Variants in TTN observed in about 807,000 individuals in gnomAD.
TTN encodes titin.
A neutral mutation model predicts 3,223.0 loss-of-function variants in TTN; 1,525 were observed. The observed-to-expected ratio is 0.47, with a 90% CI of 0.45 to 0.49. The LOEUF (loss-of-function observed/expected upper bound fraction) is 0.49, where lower values mean the gene tolerates loss of function less well. TTN is among the 20% of genes least tolerant of loss of function. The pLI is 0.00. For missense variants in TTN, 40,786 were observed against 43,424.0 expected (o/e 0.94, Z 5.40); for synonymous variants, 14,094 against 15,161.0 (o/e 0.93, Z 5.17).
chr2:178,782,208 A>C lies in TTN; in HGVS notation c.3380+4T>G. The C allele has an allele frequency of 6.2e-7, 1 of 1,614,104 alleles. No individual in the cohort carries two copies. Among genetic ancestry groups the C allele is most frequent in the Non-Finnish European group, 8.5e-7 (1 of 1,179,970 alleles). On this transcript the variant is annotated splice_donor_region_variant and intron_variant, in intron 20 of 362. Coordinates refer to ENST00000589042, the MANE Select transcript of TTN (RefSeq NM_001267550.2). ...GAGAACTCTATATTCAGCCATCAAA[A>C]TACCTGTATCCAGTGGTTAGAGGAA...
chr2:178,758,706 T>C (rs745614551), intron 44 of TTN: 1 of 466,656 alleles, frequency 2.1e-6, no homozygotes, highest in Non-Finnish European at 3.9e-6. Context: ...TTCTGATTCA[T>C]GCTGATTAGG....
chr2:178,581,561 T>C lies in TTN; in HGVS notation c.66707A>G (p.Asn22236Ser), dbSNP rs771424887. 1 of 1,612,354 alleles carries C rather than the reference T, an allele frequency of 6.2e-7. No individual in the cohort carries two copies. Among genetic ancestry groups the C allele is most frequent in the Non-Finnish European group, 8.5e-7 (1 of 1,179,024 alleles). Residue 22236 changes from asparagine to serine, a missense_variant, in exon 316 of 363, where the codon AAT becomes AGT. Coordinates refer to ENST00000589042, the MANE Select transcript of TTN (RefSeq NM_001267550.2). ...TQYQFRVYAV[N>S]KIGYSDPSDV... ...ACTGGGGTCACTGTATCCAATCTTA[T>C]TAACGGCATACACACGGAATTGATA...
chr2:178,586,778 C>G lies in TTN; in HGVS notation c.64123G>C (p.Val21375Leu), dbSNP rs371670651. The G allele has an allele frequency of 6.2e-7, 1 of 1,612,792 alleles. No individual in the cohort carries two copies. Among genetic ancestry groups the G allele is most frequent in the Non-Finnish European group, 8.5e-7 (1 of 1,179,226 alleles). ...GCACTGTTCTTGGTCATTTCAGTCA[C>G]TTCTAATTTCCTTGGGGGATCCGGC... ...SEPDPPRKLE[V>L]TEMTKNSATL... Residue 21375 changes from valine to leucine, a missense_variant, in exon 308 of 363, where the codon GTG becomes CTG. Transcript: ENST00000589042.
chr2:178,731,207 T>C lies in TTN; in HGVS notation c.17462-4A>G. 1 of 1,612,518 alleles carries C rather than the reference T, an allele frequency of 6.2e-7. No individual in the cohort carries two copies. The highest frequency in any genetic ancestry group is 8.5e-7 in the Non-Finnish European group (1 of 1,178,962). On this transcript the variant is annotated splice_polypyrimidine_tract_variant and splice_region_variant and intron_variant, in intron 59 of 362. Transcript: ENST00000589042. ...TCCTCGGTGATTGTTGCAGGTTCTGTAGAAAACAAAGGGATAGATGTGGGT... is the reference window on the plus strand; with the variant it reads ...TCCTCGGTGATTGTTGCAGGTTCTGCAGAAAACAAAGGGATAGATGTGGGT...
Position 178,534,541 on chromosome 2 carries a change from T to C in TTN, c.102074A>G (p.Glu34025Gly). 1 of 1,613,890 alleles carries C rather than the reference T, an allele frequency of 6.2e-7. No homozygotes were observed. Among genetic ancestry groups the C allele is most frequent in the Non-Finnish European group, 8.5e-7 (1 of 1,179,794 alleles). The stretch of plus-strand genomic sequence containing the variant: ...AGTATATTCAGCATTCATGATATTC[T>C]CAATGATCTGTTGGTTAGTTTCAGC... ...FLAETNQQIIENIMNAEYTFD... is the reference protein window; with the variant it reads ...FLAETNQQIIGNIMNAEYTFD... Residue 34025 changes from glutamate to glycine, a missense_variant, in exon 358 of 363, where the codon GAG (glutamate) becomes GGG (glycine). Coordinates refer to ENST00000589042, the MANE Select transcript of TTN (RefSeq NM_001267550.2).
rs1446942544 is a variant in TTN, at chr2:178,608,348, T to A, written c.52535A>T (p.Asn17512Ile). ...LGYWLEKREV[N>I]STHWSRVNKS... Reference sequence around the variant, plus strand: ...GTTGACACGAGACCAATGTGTACTGTTAACTTCACGTTTTTCAAGCCAGTA... The same window carrying A: ...GTTGACACGAGACCAATGTGTACTGATAACTTCACGTTTTTCAAGCCAGTA... The change falls in exon 275 of 363, where the codon AAC becomes ATC. Residue 17512 changes from asparagine to isoleucine, a missense_variant. Coordinates refer to ENST00000589042, the MANE Select transcript of TTN (RefSeq NM_001267550.2). 6.2e-7 allele frequency: 1 copy of A among 1,612,316 alleles called. No homozygotes were observed. Among genetic ancestry groups the A allele is most frequent in the South Asian group, 1.1e-5 (1 of 90,968 alleles).
chr2:178,769,878 A>G lies in TTN; in HGVS notation c.8703T>C (p.Phe2901=). The G allele has an allele frequency of 6.2e-7, 1 of 1,614,144 alleles. No individual in the cohort carries two copies. The highest frequency in any genetic ancestry group is 2.2e-5 in the East Asian group (1 of 44,866). The change falls in exon 37 of 363, where the codon TTT becomes TTC. Residue 2901 remains phenylalanine, a synonymous_variant. Coordinates refer to ENST00000589042, the MANE Select transcript of TTN (RefSeq NM_001267550.2). ...IEVPETKTAS[F]ECEVSHFNVP... is the part of the protein sequence containing the mutation. ...CATTGAAGTGGGACACCTCACACTC[A>G]AAAGAGGCAGTTTTGGTCTCAGGCA...
At chr2:178,746,109 C>T (rs141483365) in intron 47 of TTN, 26 of 1,613,374 alleles carry the variant, frequency 1.6e-5, no homozygotes, top group East Asian at 4.5e-5. Context: ...CCCTTCTCCT[C>T]GCTAATCACG....
chr2:178,602,312 T>C lies in TTN; in HGVS notation c.55090A>G (p.Thr18364Ala), dbSNP rs1467489292. 6.2e-7 allele frequency: 1 copy of C among 1,612,790 alleles called. No individual in the cohort carries two copies. The highest frequency in any genetic ancestry group is 1.3e-5 in the African/African-American group (1 of 74,852). The change falls in exon 283 of 363, where the codon ACT becomes GCT. Residue 18364 changes from threonine (T) to alanine (A), a missense_variant. Physicochemically the swap from Thr to Ala is moderately conservative, Grantham distance 58. Coordinates refer to ENST00000589042, the MANE Select transcript of TTN (RefSeq NM_001267550.2). The part of the protein sequence containing the change: ...EAGESEPSDT[T>A]GEIPATDIQE... ...ATATCAGTGGCAGGGATCTCCCCAG[T>C]TGTATCACTTGGTTCAGATTCACCA...
At chr2:178,748,222 T>C in intron 47 of TTN, 2 of 1,613,062 alleles carry the variant, frequency 1.2e-6, no homozygotes, top group South Asian at 2.2e-5. Context: ...TATAGATTTC[T>C]TCAGAAAAGG....
rs1709583820 is a variant in TTN, at chr2:178,575,122, T to C, written c.71010A>G (p.Gly23670=). Residue 23670 remains glycine (G), a synonymous_variant, in exon 326 of 363, where the codon GGA becomes GGG. Coordinates refer to ENST00000589042, the MANE Select transcript of TTN (RefSeq NM_001267550.2). The surrounding 1 kb of genome is among the most constrained non-coding windows in gnomAD (Gnocchi z 4.0). The part of the protein sequence containing the change: ...RPKPTVTWKK[G]DQILKQTQRV... ...TCTGTGTCTGTTTAAGAATTTGGTC[T>C]CCTTTTTTCCATGTCACTGTGGGCT... 1 of 1,613,014 alleles carries C rather than the reference T, an allele frequency of 6.2e-7. No individual in the cohort carries two copies.
chr2:178,619,877 A>T lies in TTN; in HGVS notation c.46440T>A (p.Val15480=), dbSNP rs1427739369. ...RARLFVEEIP[V]EIIRPPQDIL... ...TATCTTGTGGAGGCCTGATGATCTC[A>T]ACAGGAATTTCTGGAAAGAAAATGT... The change falls in exon 250 of 363, where the codon GTT becomes GTA. Residue 15480 remains valine (V), a synonymous_variant. Transcript: ENST00000589042. The T allele has an allele frequency of 6.2e-7, 1 of 1,607,018 alleles. No homozygotes were observed. Among genetic ancestry groups the T allele is most frequent in the Non-Finnish European group, 8.5e-7 (1 of 1,177,862 alleles).
chr2:178,652,414 C>T, intron 202 of TTN, 44 bp downstream of exon 202: 9 of 1,612,546 alleles, frequency 5.6e-6, no homozygotes, highest in East Asian at 2.2e-5. Flanking sequence ...CTTTCCAGAG[C>T]AGAAGAGTTT....
chr2:178,551,173 T>G lies in TTN; in HGVS notation c.91358A>C (p.Lys30453Thr). The change falls in exon 336 of 363, where the codon AAG becomes ACG. Residue 30453 changes from lysine to threonine, a missense_variant. Lys to Thr is a moderately conservative substitution (Grantham distance 78). Coordinates refer to ENST00000589042, the MANE Select transcript of TTN (RefSeq NM_001267550.2). ...TTTCTCAATGCTATAGCCCACAATC[T>G]TACTGCCTCCATCACGCAATGGTGG... ...WNPPLRDGGS[K>T]IVGYSIEKRQ... 1 of 1,613,582 alleles carries G rather than the reference T, an allele frequency of 6.2e-7. No individual in the cohort carries two copies. The highest frequency in any genetic ancestry group is 8.5e-7 in the Non-Finnish European group (1 of 1,179,654).
At position 178,749,146 on chromosome 2, in the gene TTN, A is replaced by C. The variant is rs182321835; in HGVS notation, c.11311+3978T>G. 1.3e-5 allele frequency: 21 copies of C among 1,612,610 alleles called. No homozygotes were observed. The East Asian group carries it at 4.5e-4, about 34-fold the overall frequency. On this transcript the variant is annotated intron_variant, in intron 47 of 362. Transcript: ENST00000589042. ...TTCTCTCAGAGTGAATATTTGGTAA[A>C]TAGTCACTTTGGGCACATTCTTGTA...
chr2:178,802,754 G>A (rs2094131068), intron 2 of TTN, among the ~76,000 whole-genome samples: 1 of 152,214 alleles, frequency 6.6e-6, no homozygotes, highest in South Asian at 2.1e-4. Context: ...GAGAGCAAGT[G>A]AAGAACAAAA....
Position 178,567,171 on chromosome 2 carries a change from G to A in TTN, c.78961C>T (p.His26321Tyr), listed in dbSNP as rs1466788424. 1 of 1,613,256 alleles carries A rather than the reference G, an allele frequency of 6.2e-7. No homozygotes were observed. Among genetic ancestry groups the A allele is most frequent in the Non-Finnish European group, 8.5e-7 (1 of 1,179,534 alleles). ...GTTTCTCGCTTTTCAACAACATAGT[G>A]AGAAATGTCACTGCCACCATCTTGA... Reference protein sequence around the residue: ...PLQDGGSDISHYVVEKRETSR... With the variant: ...PLQDGGSDISYYVVEKRETSR... The change falls in exon 326 of 363, where the codon CAC (histidine) becomes TAC (tyrosine). Residue 26321 changes from histidine (H) to tyrosine (Y), a missense_variant. Coordinates refer to ENST00000589042, the MANE Select transcript of TTN (RefSeq NM_001267550.2).
At chr2:178,754,965 T>C (rs1177760708) in intron 46 of TTN, among the ~76,000 whole-genome samples, 1 of 152,138 alleles carries the variant, frequency 6.6e-6, no homozygotes, top group Non-Finnish European at 1.5e-5. Context: ...CAGAGATGGC[T>C]GTGCACCTAC....
rs375554194 is a variant in TTN at position 178,573,783 on chromosome 2, C to T, written c.72349G>A (p.Val24117Ile). 3 of 1,608,958 alleles carry T rather than the reference C, an allele frequency of 1.9e-6. No homozygotes were observed. Among genetic ancestry groups the T allele is most frequent in the Non-Finnish European group, 2.5e-6 (3 of 1,177,298 alleles). The change falls in exon 326 of 363, where the codon GTC (valine) becomes ATC (isoleucine). Residue 24117 changes from valine (V) to isoleucine (I), a missense_variant. Transcript: ENST00000589042. ...PGGFAKHIFN[V>I]KVLDRPGPPE... The stretch of plus-strand genomic sequence containing the variant: ...GGGCCTGGTCTGTCAAGAACTTTGA[C>T]ATTGAAAATGTGTTTAGCAAAGCCA...
Sources: allele counts gnomAD v4.1 joint callset (sites outside exome capture counted in the v4.1 genomes callset), GRCh38; gene constraint gnomAD v4.1.1; non-coding constraint Gnocchi (gnomAD v3.1); transcripts MANE v1.5; gene names NCBI Gene and HGNC (gene_info 2026-07-23, HGNC 2026-07-21).